The following LVRN variants were observed in gnomAD, a reference collection of about 807,000 sequenced individuals.
The protein encoded by LVRN is laeverin, also known as aminopeptidase Q.
Under a neutral mutation model 111.4 loss-of-function variants are expected in LVRN, and 99 were observed. That is an observed-to-expected ratio of 0.89 (90% CI 0.76 to 1.05). The LOEUF (loss-of-function observed/expected upper bound fraction) is 1.05, where lower values mean the gene tolerates loss of function less well. LVRN is among the 50% of genes least tolerant of loss of function. LVRN has a pLI of 0.00. For missense variants in LVRN, 1,414 were observed against 1,206.8 expected (o/e 1.17, Z -2.54); for synonymous variants, 488 against 449.5 (o/e 1.09, Z -1.08).
chr5:115,996,335 TACA>T (rs761494886), intron 6 of LVRN, among the ~76,000 whole-genome samples: 12 of 152,226 alleles, frequency 7.9e-5, no homozygotes, highest in Non-Finnish European at 1.6e-4. Context: ...AAGCTAAGAT[TACA>T]ACGTTAGTCT....
chr5:116,015,901 T>G, intron 18 of LVRN, 136 bp downstream of exon 18: 1 of 1,087,634 alleles, frequency 9.2e-7, no homozygotes, highest in South Asian at 2.2e-5. Context: ...AGAAAAGTTA[T>G]CATTTTTCCT....
chr5:115,975,897 A>T, intron 1 of LVRN: 1 of 160,424 alleles, frequency 6.2e-6, no homozygotes. Context: ...TTGTTTTTTA[A>T]AAAACACATT....
In LVRN at chr5:115,993,800, TG is replaced by T. The variant is rs751769551; in HGVS notation, c.1321del (p.Ala441HisfsTer8). On this transcript the variant is annotated frameshift_variant, in exon 6 of 20. Coordinates refer to ENST00000357872, the MANE Select transcript of LVRN (RefSeq NM_173800.5). LOFTEE classifies it high-confidence loss of function. ...ACAATATCTGGCTCAACGAGGGTTT[TG>T]CATCTTATTTTGAGTTTGAAGTAAT... ...WNNIWLNEGFASYFEFEVINY... is the reference protein window; with the variant it reads ...WNNIWLNEGFXSYFEFEVINY... 6.2e-7 allele frequency: 1 copy of T among 1,611,046 alleles called. No individual in the cohort carries two copies.
chr5:116,010,630 T>C, intron 13 of LVRN, 111 bp from the exon 14 acceptor site: 1 of 1,137,896 alleles, frequency 8.8e-7, no homozygotes, highest in Non-Finnish European at 1.3e-6. Context: ...TCTTGACTTA[T>C]TCACATGCCT....
At position 115,962,777 on chromosome 5, in the gene LVRN, T is replaced by A; in HGVS notation, c.160T>A (p.Leu54Met). 6.2e-7 allele frequency: 1 copy of A among 1,611,344 alleles called. No individual in the cohort carries two copies. The highest frequency in any genetic ancestry group is 8.5e-7 in the Non-Finnish European group (1 of 1,178,900). ...GTCGGAGCTGCCTGGACTCAGGGAC[T>A]TGGAAGCCGAGTCTTCCCCTCCCCT... ...PPSELPGLRD[L>M]EAESSPPLRQ... Residue 54 changes from leucine (L) to methionine (M), a missense_variant, in exon 1 of 20, where the codon TTG becomes ATG. Physicochemically the swap from Leu to Met is conservative, Grantham distance 15 (BLOSUM62 2). Transcript: ENST00000357872.
At chr5:116,010,147 C>T (rs1180568913) in intron 13 of LVRN, among the ~76,000 whole-genome samples, 2 of 152,170 alleles carry the variant, frequency 1.3e-5, no homozygotes, top group African/African-American at 4.8e-5. Context: ...TGTTAGCATT[C>T]GTTGACAATA....
At chr5:115,963,824 C>T (rs1362127442) in intron 1 of LVRN, among the ~76,000 whole-genome samples, 1 of 152,200 alleles carries the variant, frequency 6.6e-6, no homozygotes, top group East Asian at 1.9e-4. Context: ...AACCCTGTAT[C>T]TGCTCATCCC....
At chr5:115,973,899 T>C (rs1473229903) in intron 1 of LVRN, among the ~76,000 whole-genome samples, 3 of 152,180 alleles carry the variant, frequency 2.0e-5, no homozygotes, top group African/African-American at 7.2e-5. Flanking sequence ...TAAGTTTATT[T>C]GGTCTGCCTT....
intron 13 of LVRN, among the ~76,000 whole-genome samples, chr5:116,006,694 A>G (rs1748382596): frequency 6.6e-6 from 1 of 152,098 alleles, no homozygotes; most frequent in Non-Finnish European, 1.5e-5. Context: ...TTCTTTGATA[A>G]CTCATTCACT....
intron 12 of LVRN, among the ~76,000 whole-genome samples, chr5:116,005,019 A>G (rs987293445): frequency 2.0e-5 from 3 of 152,240 alleles, no homozygotes; most frequent in African/African-American, 4.8e-5. Context: ...AGGTTATGTC[A>G]TTATAGTAAT....
intron 11 of LVRN, 144 bp downstream of exon 11, chr5:116,003,055 G>A: frequency 1.1e-6 from 1 of 923,736 alleles, no homozygotes. Flanking sequence ...TTAAAGAAAA[G>A]TGTCAAATCA....
chr5:115,963,495 A>G (rs1371971818), intron 1 of LVRN, among the ~76,000 whole-genome samples, 183 bp downstream of exon 1: 3 of 152,110 alleles, frequency 2.0e-5, no homozygotes, highest in Non-Finnish European at 2.9e-5. Context: ...TCTAGGGTAC[A>G]TGTGCACAAC....
At chr5:116,013,769 A>T (rs1352886153) in intron 15 of LVRN, among the ~76,000 whole-genome samples, 7 of 152,180 alleles carry the variant, frequency 4.6e-5, no homozygotes, top group Non-Finnish European at 7.4e-5. Context: ...AGTAGGGACC[A>T]CAAGGCATCA....
intron 1 of LVRN, among the ~76,000 whole-genome samples, chr5:115,980,031 A>G (rs1022021868): frequency 6.6e-6 from 1 of 152,174 alleles, no homozygotes; most frequent in East Asian, 1.9e-4. Flanking sequence ...CAGTGAGTCC[A>G]TGATTCTCTT....
intron 1 of LVRN, chr5:115,976,151 C>T (rs1753444804): frequency 6.6e-6 from 1 of 152,236 alleles, no homozygotes; most frequent in Admixed American, 6.5e-5. Flanking sequence ...CTTCGGTCCC[C>T]ACTTCTGCCA....
At chr5:116,018,925 C>T (rs1748657953) in intron 18 of LVRN, among the ~76,000 whole-genome samples, 1 of 151,962 alleles carries the variant, frequency 6.6e-6, no homozygotes, top group African/African-American at 2.4e-5. Context: ...ATCCCTCTCC[C>T]CACAGAGACA....
In LVRN at chr5:115,996,623, G is replaced by A. The variant is rs147611907; in HGVS notation, c.1374+2769G>A. On this transcript the variant is annotated intron_variant, in intron 6 of 19. Transcript: ENST00000357872. ...ACAGATTTACAATTTTTTCTATTTC[G>A]AGGTCTAATTTCAGCTGATATGAAT... Among the ~76,000 whole-genome samples, 11 of 152,118 alleles carry A rather than the reference G, an allele frequency of 7.2e-5. No individual in the cohort carries two copies. The South Asian group carries it at 1.5e-3, about 20-fold the overall frequency.
In LVRN at chr5:116,027,403, G is replaced by A. The variant is rs1748889593; in HGVS notation, c.*1285G>A. 4 of 152,106 alleles carry A rather than the reference G, an allele frequency of 2.6e-5. No homozygotes were observed. 9.4% of individuals were successfully genotyped at this position (152,106 alleles called of 1,614,324 possible). On this transcript the variant is annotated 3_prime_UTR_variant, in exon 20 of 20. Coordinates refer to ENST00000357872, the MANE Select transcript of LVRN (RefSeq NM_173800.5). Reference sequence around the variant, plus strand: ...TGTATAAGTTAAGGCAGCCATAAATGAAAATACAAAACAAACGTTTGCTTT... The same window carrying A: ...TGTATAAGTTAAGGCAGCCATAAATAAAAATACAAAACAAACGTTTGCTTT...
chr5:116,014,100 A>G (rs1273388689), intron 15 of LVRN, among the ~76,000 whole-genome samples: 1 of 152,204 alleles, frequency 6.6e-6, no homozygotes, highest in African/African-American at 2.4e-5. Context: ...AGACAGGAAA[A>G]ATAAATTGAC....
Sources: gnomAD v4.1 joint callset for allele counts (sites outside exome capture counted in the v4.1 genomes callset) on GRCh38, gnomAD v4.1.1 for gene constraint, MANE v1.5 for transcripts, NCBI Gene and HGNC (gene_info 2026-07-23, HGNC 2026-07-21) for gene names.